NEBL: variants seen among roughly 807,000 people sequenced by gnomAD.
The protein encoded by NEBL is nebulette.
NEBL carries 122 observed loss-of-function variants against 140.2 expected under a neutral mutation model. The observed-to-expected ratio is 0.87, with a 90% CI of 0.75 to 1.01. The LOEUF is 1.01. Among genes scored for constraint, NEBL ranks in the 50% least tolerant of loss-of-function variants. The probability of loss-of-function intolerance (pLI) is 0.00; values close to 1 mark genes in which losing one functional copy is unlikely to be tolerated. For missense variants in NEBL, 1,365 were observed against 1,231.3 expected, an observed-to-expected ratio of 1.11 and a Z score of -1.62; for synonymous variants, 436 against 398.9, an observed-to-expected ratio of 1.09 and a Z score of -1.11.
chr10:20,886,672 G>A (rs1233011228), intron 4 of NEBL, among the ~76,000 whole-genome samples: 1 of 152,210 alleles, frequency 6.6e-6, no homozygotes, highest in African/African-American at 2.4e-5. Context: ...TGCCGGCGCT[G>A]CCATTTACTG....
intron 19 of NEBL, among the ~76,000 whole-genome samples, chr10:20,820,854 A>G (rs191324920): frequency 4.9e-4 from 74 of 152,218 alleles, no homozygotes; most frequent in African/African-American, 1.7e-3. Flanking sequence ...AAAAAGAAAG[A>G]AAGAAAAGAA....
chr10:20,852,626 C>T lies in NEBL; in HGVS notation c.927G>A (p.Glu309=). The T allele has an allele frequency of 1.2e-6, 2 of 1,613,182 alleles. No individual in the cohort carries two copies. Among genetic ancestry groups the T allele is most frequent in the Non-Finnish European group, 1.7e-6 (2 of 1,179,368 alleles). The stretch of plus-strand genomic sequence containing the variant: ...CAAAATGATACATTCCTTTGTTTTC[C>T]TCAAAGAGCTTTTTATATTCTCGCT... The part of the protein sequence containing the change: ...LSGREYKKLF[E]ENKGMYHFDA... Residue 309 remains glutamate, a synonymous_variant, in exon 10 of 28, where the codon GAG becomes GAA. Transcript: ENST00000377122.
intron 2 of NEBL, among the ~76,000 whole-genome samples, chr10:21,065,850 T>C (rs965962633): frequency 2.0e-5 from 3 of 152,114 alleles, no homozygotes; most frequent in African/African-American, 4.8e-5. Context: ...GGAAGAGAAA[T>C]TGCACCAGGT....
At chr10:21,210,132 C>T (rs1328417209) in intron 3 of NEBL, among the ~76,000 whole-genome samples, 1 of 152,154 alleles carries the variant, frequency 6.6e-6, no homozygotes, top group African/African-American at 2.4e-5. Context: ...TGGCTCACAC[C>T]TCTAATCCCA....
At chr10:21,170,684 C>G (rs74121084) in intron 2 of NEBL, 3 of 152,590 alleles carry the variant, frequency 2.0e-5, no homozygotes, top group Non-Finnish European at 2.9e-5. Context: ...TTCAATGCCC[C>G]CATTTTCTGA....
rs186830137 is a variant in NEBL at position 20,855,166 on chromosome 10, T to G, written c.904-2517A>C. ...AATCGCTTGAACCTGGGAGCGGAGG[T>G]TGCAGTGAGCTGAGATCGTGCCACT... On this transcript the variant is annotated intron_variant, in intron 9 of 27. Coordinates refer to ENST00000377122, the MANE Select transcript of NEBL (RefSeq NM_006393.3). Among the ~76,000 whole-genome samples, 345 of 151,002 alleles carry G rather than the reference T, an allele frequency of 2.3e-3. 9 individuals carry two copies. The East Asian group carries it at 0.052, about 23-fold the overall frequency.
chr10:20,847,119 A>T (rs527826663), intron 11 of NEBL, among the ~76,000 whole-genome samples: 1 of 152,298 alleles, frequency 6.6e-6, no homozygotes, highest in East Asian at 1.9e-4. Context: ...ATAAAAAAAC[A>T]TCTCTAAGAC....
intron 2 of NEBL, among the ~76,000 whole-genome samples, chr10:21,126,859 C>G (rs1490018604): frequency 1.3e-5 from 2 of 151,578 alleles, no homozygotes; most frequent in African/African-American, 4.8e-5. Flanking sequence ...CCTGTAATCC[C>G]AGCTACTCAG....
chr10:20,835,414 C>A, intron 14 of NEBL, 99 bp downstream of exon 14: 1 of 914,386 alleles, frequency 1.1e-6, no homozygotes, highest in South Asian at 1.3e-5. Context: ...AAACCAGCTG[C>A]AATGCTTTGA....
At chr10:20,956,918 A>T (rs1399611640) in intron 4 of NEBL, among the ~76,000 whole-genome samples, 1 of 152,182 alleles carries the variant, frequency 6.6e-6, no homozygotes, top group African/African-American at 2.4e-5. Context: ...GAGTTGACCC[A>T]ATTACATAAC....
At chr10:21,270,957 G>C (rs191378883) in intron 1 of NEBL, among the ~76,000 whole-genome samples, 1 of 152,302 alleles carries the variant, frequency 6.6e-6, no homozygotes, top group Admixed American at 6.5e-5. Flanking sequence ...ATGGAAAACA[G>C]TATGTCAGTT....
chr10:21,250,866 C>T (rs761573486), intron 2 of NEBL, among the ~76,000 whole-genome samples: 1 of 152,126 alleles, frequency 6.6e-6, no homozygotes, highest in Non-Finnish European at 1.5e-5. Context: ...GCACTCCAGC[C>T]TGGGCAACAA....
chr10:21,150,671 A>C (rs1217927805), intron 2 of NEBL, among the ~76,000 whole-genome samples: 1 of 152,226 alleles, frequency 6.6e-6, no homozygotes, highest in Admixed American at 6.5e-5. Context: ...GAATCATTAC[A>C]TGTTCCTAAT....
intron 26 of NEBL, among the ~76,000 whole-genome samples, chr10:20,802,171 G>T (rs529365960): frequency 6.6e-6 from 1 of 152,258 alleles, no homozygotes; most frequent in East Asian, 1.9e-4. Flanking sequence ...CCAGAAAACT[G>T]CAAGTTAAGG....
chr10:21,110,182 G>T (rs1015206781), intron 2 of NEBL, among the ~76,000 whole-genome samples: 1 of 152,092 alleles, frequency 6.6e-6, no homozygotes, highest in Non-Finnish European at 1.5e-5. Context: ...GAGAATCAAG[G>T]TCATGCTGGC....
intron 2 of NEBL, among the ~76,000 whole-genome samples, chr10:20,895,594 T>C (rs1847407527): frequency 6.6e-6 from 1 of 152,228 alleles, no homozygotes; most frequent in Non-Finnish European, 1.5e-5. Flanking sequence ...GTTGTTGTTG[T>C]CATTGTCACT....
At chr10:21,078,660 T>C (rs534489004) in intron 2 of NEBL, among the ~76,000 whole-genome samples, 2 of 152,190 alleles carry the variant, frequency 1.3e-5, no homozygotes, top group Non-Finnish European at 2.9e-5. Context: ...GTTTTGATTG[T>C]TTAATAAAGA....
In NEBL at chr10:20,888,167, G is replaced by T. The variant is rs1846693156; in HGVS notation, c.299C>A (p.Ser100Tyr). 2 of 1,613,568 alleles carry T rather than the reference G, an allele frequency of 1.2e-6. No individual in the cohort carries two copies. Among genetic ancestry groups the T allele is most frequent in the Admixed American group, 1.7e-5 (1 of 59,982 alleles). ...TGTGGCTGGCATCCGCTTATAAAGA[G>T]AATTAGAAAGGTCAGCTTTAATGGT... ...KGTIKADLSN[S>Y]LYKRMPATID... Residue 100 changes from serine to tyrosine, a missense_variant, in exon 4 of 28, where the codon TCT (serine) becomes TAT (tyrosine). Physicochemically the swap from Ser to Tyr is moderately radical, Grantham distance 144. Around this residue, in one of 2 missense-constraint regions of NEBL, gnomAD observed 1,323 missense variants for 1,154.8 expected, o/e 1.15. Transcript: ENST00000377122.
intron 2 of NEBL, among the ~76,000 whole-genome samples, chr10:21,094,451 G>C (rs1400397128): frequency 1.4e-5 from 2 of 141,804 alleles, no homozygotes; most frequent in African/African-American, 5.2e-5. Flanking sequence ...GCAGTGAGCC[G>C]AGATTGTGCC....
Sources: allele counts gnomAD v4.1 joint callset (sites outside exome capture counted in the v4.1 genomes callset), GRCh38; gene constraint gnomAD v4.1.1; regional missense constraint gnomAD v4.1.1; transcripts MANE v1.5; gene names NCBI Gene and HGNC (gene_info 2026-07-23, HGNC 2026-07-21).